Variants in KMT2E observed in about 807,000 individuals in gnomAD.
KMT2E encodes lysine methyltransferase 2E (inactive), also known as histone reader KMT2E.
Under a neutral mutation model 184.6 loss-of-function variants are expected in KMT2E, and 30 were observed. The ratio of observed to expected loss-of-function variants is 0.16; its 90% CI spans 0.12 to 0.22. The LOEUF is 0.22. Ranked by LOEUF, KMT2E falls within the 10% of genes least tolerant of loss-of-function variation. The pLI, the probability that KMT2E is intolerant of heterozygous loss-of-function variation, is 1.00. For synonymous variants in KMT2E, 815 were observed against 776.5 expected, an observed-to-expected ratio of 1.05 and a Z score of -0.82; for missense variants, 2,023 against 2,237.4, an observed-to-expected ratio of 0.90 and a Z score of 1.93.
chr7:105,107,508 G>T lies in KMT2E; in HGVS notation c.3051G>T (p.Lys1017Asn), dbSNP rs765399401. The change falls in exon 22 of 27, where the codon AAG becomes AAT. Residue 1017 changes from lysine (K) to asparagine (N), a missense_variant. Physicochemically the swap from Lys to Asn is moderately conservative, Grantham distance 94. Around this residue, in one of 8 missense-constraint regions of KMT2E, gnomAD observed 1,108 missense variants for 1,050.9 expected, o/e 1.05. Coordinates refer to ENST00000311117, the MANE Select transcript of KMT2E (RefSeq NM_182931.3). Reference protein sequence around the residue: ...TEVNRQCPGEKEPVSDLQLGL... With the variant: ...TEVNRQCPGENEPVSDLQLGL... ...TCAACAGGCAGTGTCCTGGAGAAAA[G>T]GAACCTGTGTCAGACCTTCAGCTAG... 1 of 1,614,162 alleles carries T rather than the reference G, an allele frequency of 6.2e-7. No individual in the cohort carries two copies. Among genetic ancestry groups the T allele is most frequent in the East Asian group, 2.2e-5 (1 of 44,890 alleles).
chr7:105,101,781 T>C, intron 16 of KMT2E, 105 bp from the exon 17 acceptor site: 3 of 1,073,210 alleles, frequency 2.8e-6, no homozygotes, highest in Non-Finnish European at 1.3e-6. Context: ...ATATCAGAAT[T>C]CAAAAATTCC....
At position 105,033,567 on chromosome 7, in the gene KMT2E, C is replaced by T. The variant is rs993056132; in HGVS notation, c.-188-4559C>T. Among the ~76,000 whole-genome samples, 7 of 152,166 alleles carry T rather than the reference C, an allele frequency of 4.6e-5. No individual in the cohort carries two copies. The East Asian group carries it at 7.7e-4, about 17-fold the overall frequency. ...AGTCTGGAGTGCAGTTTCATGATCTCGGCCCACTGCAAGCTCCACCTCCTG... is the reference window on the plus strand; with the variant it reads ...AGTCTGGAGTGCAGTTTCATGATCTTGGCCCACTGCAAGCTCCACCTCCTG... On this transcript the variant is annotated intron_variant, in intron 1 of 26. Coordinates refer to ENST00000311117, the MANE Select transcript of KMT2E (RefSeq NM_182931.3).
chr7:105,066,928 A>C, intron 6 of KMT2E, 121 bp downstream of exon 6: 3 of 719,682 alleles, frequency 4.2e-6, no homozygotes, highest in African/African-American at 1.7e-5. Flanking sequence ...ATGGTGGCTC[A>C]TGCCTGTAGT....
chr7:105,074,710 T>C lies in KMT2E; in HGVS notation c.624T>C (p.His208=). The change falls in exon 8 of 27, where the codon CAT becomes CAC. Residue 208 remains histidine, a synonymous_variant. Transcript: ENST00000311117. ...TGGAATTATATACTGCATTTCAGCATACTCCAACATCAATTACTTTAACTG... is the reference window on the plus strand; with the variant it reads ...TGGAATTATATACTGCATTTCAGCACACTCCAACATCAATTACTTTAACTG... The part of the protein sequence containing the change: ...VPVELYTAFQ[H]TPTSITLTAS... The C allele has an allele frequency of 1.2e-6, 2 of 1,610,188 alleles. No homozygotes were observed. Among genetic ancestry groups the C allele is most frequent in the Non-Finnish European group, 1.7e-6 (2 of 1,178,290 alleles).
At chr7:105,041,098 TA>T (rs1269603593) in intron 3 of KMT2E, 75 bp downstream of exon 3, 1 of 839,470 alleles carries the variant, frequency 1.2e-6, no homozygotes, top group African/African-American at 1.8e-5. Context: ...GGAAGAAGTA[TA>T]AGTGGAAAAT....
In KMT2E at chr7:105,106,540, A is replaced by G. The variant is rs549219237; in HGVS notation, c.2615A>G (p.Lys872Arg). The part of the protein sequence containing the change: ...CSLPDLTTPL[K>R]KRRFYQLLDS... The stretch of plus-strand genomic sequence containing the variant: ...CCAACAGATTTAACTACACCACTAA[A>G]AAAACGAAGATTTTATCAGTTGCTA... The change falls in exon 20 of 27, where the codon AAA becomes AGA. Residue 872 changes from lysine to arginine, a missense_variant. Physicochemically the swap from Lys to Arg is conservative, Grantham distance 26. Coordinates refer to ENST00000311117, the MANE Select transcript of KMT2E (RefSeq NM_182931.3). 6.2e-7 allele frequency: 1 copy of G among 1,611,088 alleles called. No individual in the cohort carries two copies. Among genetic ancestry groups the G allele is most frequent in the African/African-American group, 1.3e-5 (1 of 74,992 alleles).
chr7:105,073,801 A>G, intron 7 of KMT2E, 124 bp downstream of exon 7: 1 of 635,310 alleles, frequency 1.6e-6, no homozygotes, highest in East Asian at 2.8e-5. Context: ...ATGAATGTTG[A>G]TTGTACAGAG....
chr7:105,108,979 C>A lies in KMT2E; in HGVS notation c.3506C>A (p.Ala1169Asp). 6.2e-7 allele frequency: 1 copy of A among 1,613,244 alleles called. No homozygotes were observed. Among genetic ancestry groups the A allele is most frequent in the Non-Finnish European group, 8.5e-7 (1 of 1,179,260 alleles). Residue 1169 changes from alanine (A) to aspartate (D), a missense_variant, in exon 23 of 27, where the codon GCT becomes GAT. Transcript: ENST00000311117. ...GAATACCGTAAGAGACAACGTGAAG[C>A]TAGGAAAAGTGGCTCTAAGACAGAG... ...LLEYRKRQRE[A>D]RKSGSKTENF...
In KMT2E at chr7:105,016,459, A is replaced by G. The variant is rs573003103; in HGVS notation, c.-189+1924A>G. Among the ~76,000 whole-genome samples the G allele has an allele frequency of 5.9e-5, 9 of 152,322 alleles. No homozygotes were observed. The South Asian group carries it at 1.0e-3, about 18-fold the overall frequency. On this transcript the variant is annotated intron_variant, in intron 1 of 26. Transcript: ENST00000311117. Reference sequence around the variant, plus strand: ...TACCTATTATAGGATTGTGGAATTTAGTCTGTTTTAATAGACCTTAAATAA... The same window carrying G: ...TACCTATTATAGGATTGTGGAATTTGGTCTGTTTTAATAGACCTTAAATAA...
chr7:105,036,720 A>G (rs1341376667), intron 1 of KMT2E, among the ~76,000 whole-genome samples: 2 of 152,208 alleles, frequency 1.3e-5, no homozygotes, highest in African/African-American at 2.4e-5. Flanking sequence ...AGTATCAGAT[A>G]AGTGCTTCTA....
chr7:105,099,250 A>G (rs1798550564), intron 15 of KMT2E, among the ~76,000 whole-genome samples: 1 of 152,228 alleles, frequency 6.6e-6, no homozygotes, highest in Non-Finnish European at 1.5e-5. Context: ...ATGTAGGAAG[A>G]GTTTTGCTTT....
intron 3 of KMT2E, among the ~76,000 whole-genome samples, chr7:105,049,070 G>C (rs181180585): frequency 6.6e-6 from 1 of 152,186 alleles, no homozygotes; most frequent in African/African-American, 2.4e-5. Context: ...TCAAACATGG[G>C]AGTAATAGAC....
At chr7:105,089,867 G>A in intron 13 of KMT2E, 142 bp from the exon 14 acceptor site, 2 of 1,214,038 alleles carry the variant, frequency 1.6e-6, no homozygotes, top group South Asian at 1.6e-5. Flanking sequence ...TAGTTAACTA[G>A]GAATGTAAAT....
chr7:105,085,080 G>GT (rs1261750097), intron 13 of KMT2E, among the ~76,000 whole-genome samples: 6 of 150,996 alleles, frequency 4.0e-5, no homozygotes, highest in African/African-American at 1.5e-4. Flanking sequence ...TAGTTCGTCT[G>GT]TTTTTTCAAA....
chr7:105,071,402 G>A (rs1797282922), intron 6 of KMT2E, among the ~76,000 whole-genome samples: 1 of 150,216 alleles, frequency 6.7e-6, no homozygotes, highest in South Asian at 2.1e-4. Context: ...GAGTGTTGCT[G>A]TGTCACCAGG....
In KMT2E at chr7:105,111,889, C is replaced by G. The variant is rs769646583; in HGVS notation, c.4133C>G (p.Pro1378Arg). 1.9e-6 allele frequency: 3 copies of G among 1,613,992 alleles called. No individual in the cohort carries two copies. The highest frequency in any genetic ancestry group is 3.3e-5 in the Admixed American group (2 of 60,002). ...GGGAAAATATTCACAAAACCAGATC[C>G]CCAATGGGACTCCACAGTTAGTGCA... ...AHGKIFTKPD[P>R]QWDSTVSASE... The change falls in exon 27 of 27, where the codon CCC becomes CGC. Residue 1378 changes from proline (P) to arginine (R), a missense_variant. Coordinates refer to ENST00000311117, the MANE Select transcript of KMT2E (RefSeq NM_182931.3).
chr7:105,059,838 T>G (rs1367247397), intron 3 of KMT2E, among the ~76,000 whole-genome samples: 1 of 152,070 alleles, frequency 6.6e-6, no homozygotes, highest in African/African-American at 2.4e-5. Flanking sequence ...TAGTCTTACA[T>G]TTTCTTATTA....
intron 3 of KMT2E, among the ~76,000 whole-genome samples, chr7:105,043,552 G>A (rs1795977306): frequency 6.6e-6 from 1 of 152,102 alleles, no homozygotes; most frequent in Non-Finnish European, 1.5e-5. Context: ...TTAAATTTCT[G>A]CATTAATAAT....
Position 105,112,168 on chromosome 7 carries a change from C to T in KMT2E, c.4412C>T (p.Ser1471Leu), listed in dbSNP as rs1288869611. The change falls in exon 27 of 27, where the codon TCA becomes TTA. Residue 1471 changes from serine to leucine, a missense_variant. By Grantham distance (145) the Ser-to-Leu change is moderately radical (BLOSUM62 -2). This residue lies in a region of KMT2E where 1,108 missense variants were observed against 1,050.9 expected (regional missense o/e 1.05). Coordinates refer to ENST00000311117, the MANE Select transcript of KMT2E (RefSeq NM_182931.3). ...GGTTATCTTTCACCAAAGCCTCCTT[C>T]ACAGCAGTTAGGATCTCCCTACAGG... Reference protein sequence around the residue: ...QHGYLSPKPPSQQLGSPYRPH... With the variant: ...QHGYLSPKPPLQQLGSPYRPH... 6.2e-7 allele frequency: 1 copy of T among 1,614,162 alleles called. No homozygotes were observed. Among genetic ancestry groups the T allele is most frequent in the Non-Finnish European group, 8.5e-7 (1 of 1,180,000 alleles).
Sources: gnomAD v4.1 joint callset for allele counts (sites outside exome capture counted in the v4.1 genomes callset) on GRCh38, gnomAD v4.1.1 for gene constraint, gnomAD v4.1.1 regional missense constraint, MANE v1.5 for transcripts, NCBI Gene and HGNC (gene_info 2026-07-23, HGNC 2026-07-21) for gene names.